The following NAALADL2 variants were observed in gnomAD, a reference collection of about 807,000 sequenced individuals.
The protein encoded by NAALADL2 is N-acetylated alpha-linked acidic dipeptidase like 2.
NAALADL2 carries 76 observed loss-of-function variants against 87.2 expected under a neutral mutation model. The observed-to-expected ratio is 0.87, with a 90% confidence interval of 0.72 to 1.05. The LOEUF (loss-of-function observed/expected upper bound fraction) is 1.05. Among genes scored for constraint, NAALADL2 ranks in the 50% least tolerant of loss-of-function variants. The pLI is 0.00. For synonymous variants in NAALADL2, 354 were observed against 331.0 expected, an observed-to-expected ratio of 1.07 and a Z score of -0.75; for missense variants, 1,089 against 945.8, an observed-to-expected ratio of 1.15 and a Z score of -1.99.
At chr3:175,081,933 A>G (rs1263128414) in intron 1 of NAALADL2, among the ~76,000 whole-genome samples, 1 of 152,190 alleles carries the variant, frequency 6.6e-6, no homozygotes, top group Non-Finnish European at 1.5e-5. Flanking sequence ...TTTGTGGAAC[A>G]CATACTCTGT....
At chr3:174,844,156 C>A (rs1724336163) in intron 3 of NAALADL2, among the ~76,000 whole-genome samples, 1 of 152,076 alleles carries the variant, frequency 6.6e-6, no homozygotes, top group African/African-American at 2.4e-5. Context: ...TCAGGTCTTA[C>A]ATGTATGTAT....
At chr3:174,721,525 A>T (rs1731707646) in intron 2 of NAALADL2, among the ~76,000 whole-genome samples, 2 of 152,172 alleles carry the variant, frequency 1.3e-5, no homozygotes, top group African/African-American at 4.8e-5. Flanking sequence ...TTAAAGGAAG[A>T]TATGGCTCCT....
At chr3:174,516,061 T>TCTTTAGAA (rs147388395) in intron 1 of NAALADL2, among the ~76,000 whole-genome samples, 8,149 of 152,154 alleles carry the variant, frequency 0.054, 311 homozygotes, top group South Asian at 0.12. Flanking sequence ...ATTTTCATAC[T>TCTTTAGAA]GTTGTACAAC....
At chr3:175,133,916 G>C (rs573130257) in intron 2 of NAALADL2, among the ~76,000 whole-genome samples, 1 of 152,148 alleles carries the variant, frequency 6.6e-6, no homozygotes, top group Non-Finnish European at 1.5e-5. Context: ...ACATAAGAAA[G>C]ATTAAAACAT....
At chr3:174,954,614 T>C (rs1740893761) in intron 1 of NAALADL2, among the ~76,000 whole-genome samples, 2 of 152,050 alleles carry the variant, frequency 1.3e-5, no homozygotes, top group South Asian at 4.1e-4. Context: ...GTTCTTTTGG[T>C]GCAATGGGAT....
chr3:174,788,077 A>G (rs972328517), intron 3 of NAALADL2, among the ~76,000 whole-genome samples: 1 of 152,114 alleles, frequency 6.6e-6, no homozygotes, highest in African/African-American at 2.4e-5. Flanking sequence ...TCTCTAGAGA[A>G]GACTCAAAAA....
chr3:174,494,815 T>A lies in NAALADL2; in HGVS notation c.-184+53783T>A, dbSNP rs370732203. ...CAATAAGCTTTTTACGTTGGAGGGATAGATTTTAATGCTGCTAATCACAAT... is the reference window on the plus strand; with the variant it reads ...CAATAAGCTTTTTACGTTGGAGGGAAAGATTTTAATGCTGCTAATCACAAT... On this transcript the variant is annotated intron_variant, in intron 1 of 3. Transcript: ENST00000434257. Among the ~76,000 whole-genome samples the A allele has an allele frequency of 2.7e-4, 41 of 152,258 alleles. 1 individual carries two copies. The East Asian group carries it at 5.8e-3, about 22-fold the overall frequency.
At chr3:175,590,787 G>C (rs1484873710) in intron 10 of NAALADL2, among the ~76,000 whole-genome samples, 8 of 152,144 alleles carry the variant, frequency 5.3e-5, no homozygotes, top group Admixed American at 4.6e-4. Context: ...GGGTGGGAGA[G>C]AGGATACAAT....
At chr3:175,524,141 C>T (rs777283779) in intron 9 of NAALADL2, among the ~76,000 whole-genome samples, 7 of 152,068 alleles carry the variant, frequency 4.6e-5, no homozygotes, top group African/African-American at 7.2e-5. Flanking sequence ...GGAAAATCTA[C>T]GATTTTAGGA....
At chr3:175,239,804 C>A (rs547514871) in intron 3 of NAALADL2, among the ~76,000 whole-genome samples, 1 of 152,122 alleles carries the variant, frequency 6.6e-6, no homozygotes, top group Non-Finnish European at 1.5e-5. Flanking sequence ...CAATTCTGTA[C>A]GACTCAGTGT....
At chr3:175,768,014 C>T (rs1748966639) in intron 13 of NAALADL2, among the ~76,000 whole-genome samples, 1 of 152,128 alleles carries the variant, frequency 6.6e-6, no homozygotes, top group South Asian at 2.1e-4. Context: ...CTTTCTTGGT[C>T]CTTTATGCCA....
chr3:175,128,966 T>A (rs1727380364), intron 2 of NAALADL2, among the ~76,000 whole-genome samples: 1 of 151,846 alleles, frequency 6.6e-6, no homozygotes, highest in African/African-American at 2.4e-5. Context: ...TGAGAGAGAG[T>A]CCCATTCTGT....
chr3:175,265,240 T>C (rs1433073494), intron 4 of NAALADL2, among the ~76,000 whole-genome samples: 1 of 151,714 alleles, frequency 6.6e-6, no homozygotes, highest in Non-Finnish European at 1.5e-5. Flanking sequence ...ATTTCCGGAA[T>C]GGTTATGACA....
rs112398896 is a variant in NAALADL2, at chr3:175,313,745, A to G, written c.940-10430A>G. Reference sequence around the variant, plus strand: ...TGGTTAAAAGTAACAATAGAAGTTAATAAGAAGAGAAGTTGGATAGCAGGA... The same window carrying G: ...TGGTTAAAAGTAACAATAGAAGTTAGTAAGAAGAGAAGTTGGATAGCAGGA... On this transcript the variant is annotated intron_variant, in intron 4 of 13. Coordinates refer to ENST00000454872, the MANE Select transcript of NAALADL2 (RefSeq NM_207015.3). 3.0e-3 allele frequency among the ~76,000 whole-genome samples: 458 copies of G among 152,274 alleles called. 2 individuals carry two copies. Among genetic ancestry groups the G allele is most frequent in the African/African-American group, 9.8e-3 (408 of 41,558 alleles).
At chr3:174,993,171 G>A (rs774942914) in intron 1 of NAALADL2, among the ~76,000 whole-genome samples, 6 of 152,002 alleles carry the variant, frequency 3.9e-5, no homozygotes, top group Non-Finnish European at 5.9e-5. Context: ...CTTTCTTGGT[G>A]AGAATTCCTA....
At chr3:175,412,598 T>C (rs550106833) in intron 5 of NAALADL2, among the ~76,000 whole-genome samples, 2 of 152,066 alleles carry the variant, frequency 1.3e-5, no homozygotes, top group Admixed American at 6.6e-5. Flanking sequence ...TTATGAAACA[T>C]CAAAATACAA....
intron 10 of NAALADL2, among the ~76,000 whole-genome samples, chr3:175,582,129 G>A (rs1223743472): frequency 2.0e-5 from 3 of 151,934 alleles, no homozygotes; most frequent in African/African-American, 7.3e-5. Flanking sequence ...TATATGAAAT[G>A]CCTGTCATAA....
At chr3:175,588,971 G>A (rs1357099791) in intron 10 of NAALADL2, among the ~76,000 whole-genome samples, 3 of 152,244 alleles carry the variant, frequency 2.0e-5, no homozygotes, top group African/African-American at 7.2e-5. Context: ...TTTGTAGAAT[G>A]GTGTGTTTTA....
intron 4 of NAALADL2, among the ~76,000 whole-genome samples, chr3:175,311,834 TC>T (rs1243355695): frequency 1.3e-5 from 2 of 152,170 alleles, no homozygotes; most frequent in African/African-American, 4.8e-5. Flanking sequence ...AGTATTTTTT[TC>T]CTTTACAAAA....
Sources: allele counts gnomAD v4.1 joint callset (sites outside exome capture counted in the v4.1 genomes callset), GRCh38; gene constraint gnomAD v4.1.1; transcripts MANE v1.5; gene names NCBI Gene and HGNC (gene_info 2026-07-23, HGNC 2026-07-21).